Variants in POLQ observed in about 807,000 individuals in gnomAD.
The protein encoded by POLQ is DNA polymerase theta.
In POLQ, 233 loss-of-function variants were observed where a neutral mutation model predicts 259.2. The ratio of observed to expected loss-of-function variants is 0.90; its 90% confidence interval spans 0.81 to 1.00. The LOEUF (loss-of-function observed/expected upper bound fraction) is 1.00, where lower values mean the gene tolerates loss of function less well. POLQ is among the 50% of genes least tolerant of loss of function. The pLI is 0.00. For missense variants in POLQ, 2,871 were observed against 3,051.6 expected, an observed-to-expected ratio of 0.94 and a Z score of 1.39; for synonymous variants, 1,025 against 1,048.8, an observed-to-expected ratio of 0.98 and a Z score of 0.44.
intron 1 of POLQ, 74 bp downstream of exon 1, chr3:121,545,641 G>A (rs1221710680): frequency 2.1e-6 from 3 of 1,399,212 alleles, no homozygotes; most frequent in Non-Finnish European, 1.9e-6. Flanking sequence ...GTCCCGTGGG[G>A]TGAGGACACC....
intron 21 of POLQ, 80 bp from the exon 22 acceptor site, chr3:121,472,244 C>T (rs2047889631): frequency 1.1e-5 from 7 of 644,712 alleles, no homozygotes; most frequent in Non-Finnish European, 1.3e-5. Flanking sequence ...GTAAATAATA[C>T]AGTCTCAAAA....
At chr3:121,527,416 C>G (rs1168932295) in intron 7 of POLQ, among the ~76,000 whole-genome samples, 1 of 152,084 alleles carries the variant, frequency 6.6e-6, no homozygotes, top group Non-Finnish European at 1.5e-5. Context: ...ATGCTGGTCT[C>G]GAACTCCTGG....
At chr3:121,432,521 G>A in intron 29 of POLQ, 104 bp from the exon 30 acceptor site, 3 of 1,137,576 alleles carry the variant, frequency 2.6e-6, no homozygotes, top group Non-Finnish European at 3.6e-6. Context: ...TTCACCCAAT[G>A]GTGCTTAAAA....
intron 5 of POLQ, among the ~76,000 whole-genome samples, chr3:121,535,715 C>CAAA (rs34317903): frequency 3.7e-5 from 4 of 107,348 alleles, no homozygotes; most frequent in East Asian, 5.0e-4. Context: ...AACTCCATCT[C>CAAA]AAAAAAAAAA....
At chr3:121,532,174 C>T (rs10451895) in intron 6 of POLQ, among the ~76,000 whole-genome samples, 99,604 of 152,018 alleles carry the variant, frequency 0.66, 32,849 homozygotes, top group East Asian at 0.89. Context: ...TCCTATTTAA[C>T]AGGTGAAGAT....
intron 12 of POLQ, among the ~76,000 whole-genome samples, chr3:121,505,022 T>C (rs984874515): frequency 1.3e-5 from 2 of 152,212 alleles, no homozygotes; most frequent in Non-Finnish European, 2.9e-5. Context: ...ATGCTGGAGA[T>C]AGTGCCTGGT....
intron 26 of POLQ, among the ~76,000 whole-genome samples, chr3:121,441,079 G>A (rs567852396): frequency 1.3e-5 from 2 of 152,108 alleles, no homozygotes; most frequent in Non-Finnish European, 2.9e-5. Flanking sequence ...TCAATAGCAT[G>A]GGAATTTCCA....
At chr3:121,523,674 C>T (rs2048353762) in intron 7 of POLQ, among the ~76,000 whole-genome samples, 1 of 151,924 alleles carries the variant, frequency 6.6e-6, no homozygotes, top group African/African-American at 2.4e-5. Flanking sequence ...GAGATCATGC[C>T]ACTGCATTCC....
chr3:121,520,085 T>TA lies in POLQ; in HGVS notation c.1256-3dup, dbSNP rs779959046. On this transcript the variant is annotated splice_region_variant and splice_polypyrimidine_tract_variant and intron_variant, in intron 8 of 29. Transcript: ENST00000264233. Reference sequence around the variant, plus strand: ...TATCCCTCTCCTCAAAAGTAAGACCTAAAAAAAGGAGGTTTTTATATATTT... The same window carrying TA: ...TATCCCTCTCCTCAAAAGTAAGACCTAAAAAAAAGGAGGTTTTTATATATTT... 1 of 1,579,724 alleles carries TA rather than the reference T, an allele frequency of 6.3e-7. No individual in the cohort carries two copies. The highest frequency in any genetic ancestry group is 8.7e-7 in the Non-Finnish European group (1 of 1,152,516).
In POLQ at chr3:121,436,180, G is replaced by A. The variant is rs140535924; in HGVS notation, c.7485C>T (p.Phe2495=). 1.8e-5 allele frequency: 29 copies of A among 1,613,692 alleles called. No homozygotes were observed. The highest frequency in any genetic ancestry group is 2.3e-5 in the Non-Finnish European group (27 of 1,179,720). The change falls in exon 28 of 30, where the codon TTC becomes TTT. Residue 2495 remains phenylalanine (F), a synonymous_variant. Coordinates refer to ENST00000264233, the MANE Select transcript of POLQ (RefSeq NM_199420.4). ...GACCATGGGATTTGAAGGTTGAGTG[G>A]AAGGTCTCTAATTGCTTCTGAATGT... is the stretch of plus-strand genomic sequence containing the variant. ...TVNIQKQLET[F]HSTFKSHGHR... is the part of the protein sequence containing the mutation.
At chr3:121,443,461 G>C (rs182561519) in intron 26 of POLQ, among the ~76,000 whole-genome samples, 10 of 151,478 alleles carry the variant, frequency 6.6e-5, no homozygotes, top group Admixed American at 6.6e-4. Context: ...TTTTTTTTCT[G>C]CAGAGTTATT....
At position 121,520,039 on chromosome 3, in the gene POLQ, G is replaced by A; in HGVS notation, c.1300C>T (p.Gln434Ter). ...ERDIIEGAFR[Q>*]GLIRVLAATS... The stretch of plus-strand genomic sequence containing the variant: ...GCCGCCAAGACCCGAATGAGACCTT[G>A]ACGAAAGGCTCCTTCAATGATATCC... Residue 434 changes from glutamine to a stop codon, truncating the protein, a stop_gained, in exon 9 of 30, where the codon CAA becomes TAA. Coordinates refer to ENST00000264233, the MANE Select transcript of POLQ (RefSeq NM_199420.4). LOFTEE classifies it high-confidence loss of function. The A allele has an allele frequency of 6.2e-7, 1 of 1,613,564 alleles. No individual in the cohort carries two copies. The highest frequency in any genetic ancestry group is 8.5e-7 in the Non-Finnish European group (1 of 1,179,530).
intron 19 of POLQ, among the ~76,000 whole-genome samples, chr3:121,478,086 T>C (rs923183651): frequency 6.6e-6 from 1 of 152,146 alleles, no homozygotes; most frequent in Non-Finnish European, 1.5e-5. Flanking sequence ...AAGGTCGTTA[T>C]GGGAATGGAG....
intron 12 of POLQ, among the ~76,000 whole-genome samples, chr3:121,501,598 C>G (rs2048168772): frequency 8.1e-6 from 1 of 123,354 alleles, no homozygotes; most frequent in Non-Finnish European, 1.6e-5. Context: ...GGAGGCGGAG[C>G]TTGCAGTGAG....
In POLQ at chr3:121,476,690, G is replaced by T. The variant is rs1438510672; in HGVS notation, c.6255C>A (p.Ala2085=). 1 of 1,613,486 alleles carries T rather than the reference G, an allele frequency of 6.2e-7. No homozygotes were observed. The highest frequency in any genetic ancestry group is 2.2e-5 in the East Asian group (1 of 44,862). The change falls in exon 20 of 30, where the codon GCC becomes GCA. Residue 2085 remains alanine (A), a synonymous_variant. Coordinates refer to ENST00000264233, the MANE Select transcript of POLQ (RefSeq NM_199420.4). ...KVEMPSQYCL[A]LLELNGIGFS... ...AGCCAATTCCATTTAGTTCTAGCAA[G>T]GCCAAGCAGTACTGAGAGGGCATTT...
At chr3:121,506,041 A>C (rs867476134) in intron 12 of POLQ, among the ~76,000 whole-genome samples, 20 of 150,544 alleles carry the variant, frequency 1.3e-4, no homozygotes, top group African/African-American at 4.9e-4. Context: ...AAAAAAAAAA[A>C]ATAGGGGGAT....
chr3:121,488,506 A>G lies in POLQ; in HGVS notation c.4425T>C (p.Cys1475=), dbSNP rs2048033653. 1 of 1,609,440 alleles carries G rather than the reference A, an allele frequency of 6.2e-7. No homozygotes were observed. Among genetic ancestry groups the G allele is most frequent in the African/African-American group, 1.3e-5 (1 of 74,662 alleles). ...KRTPTGVEGE[C]LPVPETSLNM... ...TCAAACTTGTTTCAGGAACTGGAAGACATTCTCCTTCTACACCAGTGGGAG... is the reference window on the plus strand; with the variant it reads ...TCAAACTTGTTTCAGGAACTGGAAGGCATTCTCCTTCTACACCAGTGGGAG... The change falls in exon 16 of 30, where the codon TGT becomes TGC. Residue 1475 remains cysteine, a synonymous_variant. Coordinates refer to ENST00000264233, the MANE Select transcript of POLQ (RefSeq NM_199420.4).
chr3:121,483,250 G>A (rs1211640921), intron 18 of POLQ, 136 bp downstream of exon 18: 3 of 472,062 alleles, frequency 6.4e-6, no homozygotes, highest in East Asian at 3.3e-5. Context: ...GGGTAGATGA[G>A]ATTATTGAAT....
At chr3:121,539,959 C>T (rs937581544) in intron 3 of POLQ, among the ~76,000 whole-genome samples, 2 of 152,042 alleles carry the variant, frequency 1.3e-5, no homozygotes, top group African/African-American at 4.8e-5. Context: ...ATTTATACTT[C>T]ATGAGGAAAA....
Sources: gnomAD v4.1 joint callset for allele counts (sites outside exome capture counted in the v4.1 genomes callset) on GRCh38, gnomAD v4.1.1 for gene constraint, MANE v1.5 for transcripts, NCBI Gene and HGNC (gene_info 2026-07-23, HGNC 2026-07-21) for gene names.